Variants in TIAM1 observed in about 807,000 individuals in gnomAD.
The protein encoded by TIAM1 is TIAM Rac1 associated GEF 1.
Under a neutral mutation model 163.5 loss-of-function variants are expected in TIAM1, and 65 were observed. The ratio of observed to expected loss-of-function variants is 0.40; its 90% CI spans 0.33 to 0.49. The LOEUF is 0.49. Among genes scored for constraint, TIAM1 ranks in the 20% least tolerant of loss-of-function variants. TIAM1 has a pLI of 0.77. For missense variants in TIAM1, 1,789 were observed against 2,044.7 expected, an observed-to-expected ratio of 0.87 and a Z score of 2.41; for synonymous variants, 833 against 810.1, an observed-to-expected ratio of 1.03 and a Z score of -0.48.
In TIAM1 at chr21:31,266,647, G is replaced by A. The variant is rs34882418; in HGVS notation, c.326C>T (p.Thr109Ile). 0.014 allele frequency: 22,512 copies of A among 1,614,220 alleles called. 218 individuals are homozygous for A. The highest frequency in any genetic ancestry group is 0.016 in the Non-Finnish European group (19,257 of 1,180,048). The change falls in exon 4 of 28, where the codon ACT becomes ATT. Residue 109 changes from threonine (T) to isoleucine (I), a missense_variant. Thr to Ile is a moderately conservative substitution (Grantham distance 89). This residue lies in a region of TIAM1 where 555 missense variants were observed against 564.9 expected (regional missense o/e 0.98). Transcript: ENST00000541036. ...RPVSYTDSSV[T>I]PSVDSSIVLT... ...GACGATGCTGCTGTCTACGCTGGGA[G>A]TGACAGAAGAGTCAGTGTAAGACAC...
rs1184281707 is a variant in TIAM1, at chr21:31,187,422, T to C, written c.2576-335A>G. On this transcript the variant is annotated intron_variant, in intron 13 of 27. Coordinates refer to ENST00000541036, the MANE Select transcript of TIAM1 (RefSeq NM_001353694.2). ...CCTCCAAAGCAGAAAACAGAAAGAT[T>C]AGCTTACCTCAAAGTCCCCAGACGT... 3.3e-5 allele frequency among the ~76,000 whole-genome samples: 5 copies of C among 152,322 alleles called. No individual in the cohort carries two copies. The East Asian group carries it at 7.7e-4, about 24-fold the overall frequency.
intron 6 of TIAM1, among the ~76,000 whole-genome samples, chr21:31,242,150 C>G (rs116948346): frequency 4.5e-4 from 69 of 152,246 alleles, no homozygotes; most frequent in Non-Finnish European, 9.1e-4. Context: ...CTAAAATAAA[C>G]CATGTCTAAA....
chr21:31,125,787 C>T (rs1381675469), intron 26 of TIAM1, among the ~76,000 whole-genome samples: 1 of 152,204 alleles, frequency 6.6e-6, no homozygotes, highest in Non-Finnish European at 1.5e-5. Flanking sequence ...GTTGGCCAGG[C>T]TGGCCTCGAA....
At chr21:31,142,686 C>T (rs1380290725) in intron 20 of TIAM1, among the ~76,000 whole-genome samples, 2 of 151,482 alleles carry the variant, frequency 1.3e-5, no homozygotes, top group Non-Finnish European at 2.9e-5. Context: ...AAAAGGCAAG[C>T]AGATGCAGAA....
rs1569031524 is a variant in TIAM1 at position 31,210,603 on chromosome 21, AAGGAAGGAAGG to A, written c.2218-399_2218-389del. 2.1e-3 allele frequency among the ~76,000 whole-genome samples: 225 copies of A among 108,254 alleles called. 10 individuals carry two copies. The highest frequency in any genetic ancestry group is 4.9e-3 in the African/African-American group (133 of 27,120). The allele number at this position is 108,254 out of a possible 152,430, so 71.0% of individuals were successfully genotyped here. The stretch of plus-strand genomic sequence containing the variant: ...GAAAGAAAGAAAGAAAGAGAGAAAG[AAGGAAGGAAGG>A]GAGAAAGAAAGAAAGAAAGAAAGAA... On this transcript the variant is annotated intron_variant, in intron 10 of 27. Coordinates refer to ENST00000541036, the MANE Select transcript of TIAM1 (RefSeq NM_001353694.2).
intron 1 of TIAM1, among the ~76,000 whole-genome samples, chr21:31,339,694 A>G (rs1051303785): frequency 7.2e-5 from 11 of 152,206 alleles, no homozygotes; most frequent in Non-Finnish European, 1.5e-4. Flanking sequence ...GTTAATGGAA[A>G]CACTGAAGCA....
At chr21:31,146,403 C>CAAA (rs10542614) in intron 20 of TIAM1, among the ~76,000 whole-genome samples, 26 of 89,904 alleles carry the variant, frequency 2.9e-4, no homozygotes, top group South Asian at 1.3e-3. Context: ...GGCTCTGTGT[C>CAAA]AAAAAAAAAA....
intron 2 of TIAM1, among the ~76,000 whole-genome samples, chr21:31,377,148 C>T (rs959928792): frequency 1.4e-4 from 20 of 144,176 alleles, no homozygotes; most frequent in Admixed American, 2.1e-4. Context: ...CAAAGTGCTA[C>T]GATTACAGGT....
At chr21:31,138,112 G>T (rs548972376) in intron 22 of TIAM1, among the ~76,000 whole-genome samples, 3 of 151,930 alleles carry the variant, frequency 2.0e-5, no homozygotes, top group South Asian at 4.2e-4. Context: ...TCTGCTGGGA[G>T]GCCTCCACCT....
chr21:31,375,926 C>T (rs1297156668), intron 2 of TIAM1, among the ~76,000 whole-genome samples: 4 of 151,952 alleles, frequency 2.6e-5, no homozygotes. Flanking sequence ...ACTCGGGAGG[C>T]TGAGGCAGGA....
At chr21:31,445,743 C>T (rs1189541794) in intron 2 of TIAM1, among the ~76,000 whole-genome samples, 4 of 152,030 alleles carry the variant, frequency 2.6e-5, no homozygotes, top group East Asian at 1.9e-4. Flanking sequence ...TTTCCTGGAT[C>T]GGACTATACC....
chr21:31,328,090 G>A (rs929727364), intron 2 of TIAM1, among the ~76,000 whole-genome samples: 11 of 151,970 alleles, frequency 7.2e-5, no homozygotes, highest in Non-Finnish European at 1.0e-4. Flanking sequence ...CACAGGGCTC[G>A]CTTCCTCAAC....
intron 1 of TIAM1, among the ~76,000 whole-genome samples, chr21:31,531,009 C>A (rs1164158819): frequency 6.6e-6 from 1 of 152,126 alleles, no homozygotes; most frequent in East Asian, 1.9e-4. Flanking sequence ...TAATTTCTCT[C>A]CAGATGGCGG....
At chr21:31,126,677 TA>T (rs1282400773) in intron 26 of TIAM1, among the ~76,000 whole-genome samples, 34 of 152,264 alleles carry the variant, frequency 2.2e-4, no homozygotes, top group African/African-American at 7.9e-4. Context: ...CTTGTATTTT[TA>T]GAAAAATAAA....
intron 1 of TIAM1, among the ~76,000 whole-genome samples, chr21:31,502,712 T>C (rs1340465995): frequency 6.6e-6 from 1 of 152,222 alleles, no homozygotes; most frequent in Non-Finnish European, 1.5e-5. Flanking sequence ...CACTCCGGAT[T>C]GCACCCTTTA....
At chr21:31,197,453 G>C (rs2085923401) in intron 12 of TIAM1, among the ~76,000 whole-genome samples, 1 of 149,074 alleles carries the variant, frequency 6.7e-6, no homozygotes, top group South Asian at 2.1e-4. Context: ...TCGGCTCACT[G>C]CAAGTTCCGC....
intron 4 of TIAM1, among the ~76,000 whole-genome samples, chr21:31,254,588 C>G (rs751670069): frequency 6.6e-6 from 1 of 152,108 alleles, no homozygotes; most frequent in Non-Finnish European, 1.5e-5. Context: ...CCCAGCTACT[C>G]GGGAGGTTGA....
At chr21:31,400,930 A>C (rs924939692) in intron 2 of TIAM1, among the ~76,000 whole-genome samples, 7 of 152,120 alleles carry the variant, frequency 4.6e-5, no homozygotes. Context: ...GGCTCTACTA[A>C]AAATACAAAA....
At chr21:31,179,921 T>G (rs898722909) in intron 15 of TIAM1, among the ~76,000 whole-genome samples, 2 of 150,406 alleles carry the variant, frequency 1.3e-5, no homozygotes, top group African/African-American at 4.9e-5. Flanking sequence ...TTTTTTTTTT[T>G]TTGAGACGGA....
Sources: allele counts gnomAD v4.1 joint callset (sites outside exome capture counted in the v4.1 genomes callset), GRCh38; gene constraint gnomAD v4.1.1; regional missense constraint gnomAD v4.1.1; transcripts MANE v1.5; gene names NCBI Gene and HGNC (gene_info 2026-07-23, HGNC 2026-07-21).